The following RFLNA variants were observed in gnomAD, a reference collection of about 807,000 sequenced individuals.
RFLNA encodes refilin-A.
A neutral mutation model predicts 7.8 loss-of-function variants in RFLNA; 5 were observed. The ratio of observed to expected loss-of-function variants is 0.64; its 90% CI spans 0.34 to 1.35. RFLNA has a LOEUF of 1.35. Ranked by LOEUF, RFLNA falls within the 40% of genes most tolerant of loss-of-function variation. RFLNA has a pLI of 0.04. For missense variants in RFLNA, 278 were observed against 305.5 expected, an observed-to-expected ratio of 0.91 and a Z score of 0.67; for synonymous variants, 141 against 131.3, an observed-to-expected ratio of 1.07 and a Z score of -0.50.
At chr12:124,297,114 C>T (rs1020818683) in intron 1 of RFLNA, among the ~76,000 whole-genome samples, 1 of 152,146 alleles carries the variant, frequency 6.6e-6, no homozygotes, top group Non-Finnish European at 1.5e-5. Flanking sequence ...CCCCGTGGTG[C>T]CTTGCACAGT....
chr12:124,302,804 C>CCGAGG lies in RFLNA; in HGVS notation c.207+7168_207+7169insCGAGG, dbSNP rs1340681084. Among the ~76,000 whole-genome samples, 50 of 142,078 alleles carry CCGAGG rather than the reference C, an allele frequency of 3.5e-4. 7 individuals are homozygous for CCGAGG. The highest frequency in any genetic ancestry group is 1.2e-3 in the South Asian group (5 of 4,280). 93.2% of individuals were successfully genotyped at this position (142,078 alleles called of 152,430 possible). ...GAGGTCAGGGGGCCGAGGTCAGGGG[C>CCGAGG]TGAGGTCAGGGGCCGAGGTCAGGGG... On this transcript the variant is annotated intron_variant, in intron 1 of 2. Transcript: ENST00000546355.
intron 2 of RFLNA, 139 bp from the exon 3 acceptor site, chr12:124,314,053 G>C: frequency 8.7e-7 from 1 of 1,145,368 alleles, no homozygotes; most frequent in Non-Finnish European, 1.2e-6. Context: ...TGACCTTCTT[G>C]ACCTTGACAT....
chr12:124,314,757 T>C lies in RFLNA; in HGVS notation c.*232T>C, dbSNP rs916107369. Reference sequence around the variant, plus strand: ...GACTCAGTAAAAGCATCTATTTTTTTAGCACTTAAGCTGGCAAGGCGGTAG... The same window carrying C: ...GACTCAGTAAAAGCATCTATTTTTTCAGCACTTAAGCTGGCAAGGCGGTAG... On this transcript the variant is annotated 3_prime_UTR_variant, in exon 3 of 3. Transcript: ENST00000546355. 8.9e-6 allele frequency: 7 copies of C among 783,586 alleles called. No individual in the cohort carries two copies. Among genetic ancestry groups the C allele is most frequent in the Non-Finnish European group, 1.3e-5 (6 of 461,828 alleles). The allele number at this position is 783,586 out of a possible 1,614,324, so 48.5% of individuals were successfully genotyped here.
chr12:124,289,389 C>T lies in RFLNA; in HGVS notation c.-37+19C>T, dbSNP rs1159340660. ...CTGTGAGGTGAGTCCAGCAGCCCCA[C>T]TGTGGAGTGGGAACGGGAGGGGCTG... On this transcript the variant is annotated intron_variant, in intron 1 of 2. Transcript: ENST00000324038. This position sits in a 1 kb window ranked among gnomAD's most constrained non-coding sequence, Gnocchi z 5.0. 1 of 152,180 alleles carries T rather than the reference C, an allele frequency of 6.6e-6. No individual in the cohort carries two copies. The highest frequency in any genetic ancestry group is 1.5e-5 in the Non-Finnish European group (1 of 68,044). 9.4% of individuals were successfully genotyped at this position (152,180 alleles called of 1,614,324 possible).
At chr12:124,314,066 C>A in intron 2 of RFLNA, 126 bp from the exon 3 acceptor site, 1 of 1,254,242 alleles carries the variant, frequency 8.0e-7, no homozygotes, top group Non-Finnish European at 1.1e-6. Flanking sequence ...CTTGACATTT[C>A]AGAGCAGCCC....
Position 124,314,253 on chromosome 12 carries a change from C to A in RFLNA, c.379C>A (p.Pro127Thr). The A allele has an allele frequency of 6.2e-7, 1 of 1,613,674 alleles. No homozygotes were observed. The highest frequency in any genetic ancestry group is 8.5e-7 in the Non-Finnish European group (1 of 1,180,028). The change falls in exon 3 of 3, where the codon CCC becomes ACC. Residue 127 changes from proline (P) to threonine (T), a missense_variant. Coordinates refer to ENST00000546355, the MANE Select transcript of RFLNA (RefSeq NM_001365156.1). The part of the protein sequence containing the change: ...KHFQDKVFYA[P>T]VPTVTAYSET... ...TTTCCAGGACAAGGTCTTCTATGCG[C>A]CCGTACCCACCGTCACGGCCTACAG...
chr12:124,309,886 G>A (rs932700604), intron 1 of RFLNA, among the ~76,000 whole-genome samples: 1 of 152,166 alleles, frequency 6.6e-6, no homozygotes, highest in Non-Finnish European at 1.5e-5. Context: ...AAGGCTTTAG[G>A]GGCCAGGCGT....
chr12:124,308,107 T>C (rs1332082606), intron 1 of RFLNA, among the ~76,000 whole-genome samples: 1 of 151,862 alleles, frequency 6.6e-6, no homozygotes, highest in Non-Finnish European at 1.5e-5. Flanking sequence ...TCAGCGTCCC[T>C]AGTAGCTGGG....
rs1336808244 is a variant in RFLNA, at chr12:124,315,428, A to T, written c.*903A>T. The T allele has an allele frequency of 2.0e-5, 3 of 152,312 alleles. No homozygotes were observed. The highest frequency in any genetic ancestry group is 7.2e-5 in the African/African-American group (3 of 41,434). The allele number at this position is 152,312 out of a possible 1,614,324, so 9.4% of individuals were successfully genotyped here. A position where few individuals can be genotyped will look rare whatever the true frequency, so the allele number is the denominator to read the frequency against. On this transcript the variant is annotated 3_prime_UTR_variant, in exon 3 of 3. Transcript: ENST00000546355. Reference sequence around the variant, plus strand: ...CTGTGTGAGGCCGGGTCTGAACTCGAGGGAGTCGGAGCTCAGCTGTCGGTT... The same window carrying T: ...CTGTGTGAGGCCGGGTCTGAACTCGTGGGAGTCGGAGCTCAGCTGTCGGTT...
chr12:124,314,138 A>T, intron 2 of RFLNA, 54 bp from the exon 3 acceptor site: 1 of 1,561,704 alleles, frequency 6.4e-7, no homozygotes, highest in Non-Finnish European at 8.7e-7. Flanking sequence ...GAGGGCAGGG[A>T]ATCGGGCTGC....
Position 124,315,618 on chromosome 12 carries a change from G to C in RFLNA, c.*1093G>C, listed in dbSNP as rs59685758. 27,545 of 152,268 alleles carry C rather than the reference G, an allele frequency of 0.18. 3,456 individuals carry two copies. Among genetic ancestry groups the C allele is most frequent in the African/African-American group, 0.35 (14,734 of 41,508 alleles). 9.4% of individuals were successfully genotyped at this position (152,268 alleles called of 1,614,324 possible). On this transcript the variant is annotated 3_prime_UTR_variant, in exon 3 of 3. Transcript: ENST00000546355. ...AGACAAAGACTTGGCTCAGGGCTCC[G>C]TGGAACAAGCCAGGATGCACGGGGA... is the stretch of plus-strand genomic sequence containing the variant.
At position 124,305,881 on chromosome 12, in the gene RFLNA, C is replaced by T. The variant is rs76895471; in HGVS notation, c.208-5937C>T. On this transcript the variant is annotated intron_variant, in intron 1 of 2. Coordinates refer to ENST00000546355, the MANE Select transcript of RFLNA (RefSeq NM_001365156.1). ...GGGAGCAGCTGCCTCTCTTTTGGGC[C>T]ACTCACTCCGTGTCAATGCCAGGGA... is the stretch of plus-strand genomic sequence containing the variant. Among the ~76,000 whole-genome samples, 1,306 of 152,284 alleles carry T rather than the reference C, an allele frequency of 8.6e-3. 14 individuals carry two copies. Among genetic ancestry groups the T allele is most frequent in the African/African-American group, 0.028 (1,157 of 41,552 alleles).
intron 1 of RFLNA, among the ~76,000 whole-genome samples, chr12:124,302,733 G>A (rs1046028934): frequency 6.6e-6 from 1 of 151,770 alleles, no homozygotes; most frequent in African/African-American, 2.4e-5. Context: ...AGACGATCAA[G>A]TTCTGACAGC....
rs547672986 is a variant in RFLNA at position 124,302,392 on chromosome 12, G to A, written c.207+6756G>A. On this transcript the variant is annotated intron_variant, in intron 1 of 2. Transcript: ENST00000546355. ...GCCTTGGGTGTCAGATCCTGGGCTC[G>A]TGGGTTCCTTGCTGGGCCCTTGATA... 5.3e-5 allele frequency among the ~76,000 whole-genome samples: 8 copies of A among 152,240 alleles called. 1 individual carries two copies. The East Asian group carries it at 9.7e-4, about 18-fold the overall frequency.
Position 124,307,983 on chromosome 12 carries a change from CT to C in RFLNA, c.208-3819del, listed in dbSNP as rs35040581. 7.8e-3 allele frequency among the ~76,000 whole-genome samples: 1,080 copies of C among 138,306 alleles called. 21 individuals carry two copies. The East Asian group carries it at 0.082, about 10-fold the overall frequency. 90.7% of individuals were successfully genotyped at this position (138,306 alleles called of 152,430 possible). On this transcript the variant is annotated intron_variant, in intron 1 of 2. Coordinates refer to ENST00000546355, the MANE Select transcript of RFLNA (RefSeq NM_001365156.1). ...TCGTCCCTGTGCGTCTGTGTCCGCT[CT>C]TTTTTTTTTTTTTTTGAGACAGAGT...
At chr12:124,309,487 C>A (rs560461080) in intron 1 of RFLNA, among the ~76,000 whole-genome samples, 18 of 152,244 alleles carry the variant, frequency 1.2e-4, no homozygotes, top group Non-Finnish European at 2.4e-4. Context: ...AGGCGTTCTG[C>A]TGTGGCCGCG....
At chr12:124,312,202 C>T (rs1195944546) in intron 2 of RFLNA, among the ~76,000 whole-genome samples, 5 of 152,212 alleles carry the variant, frequency 3.3e-5, no homozygotes, top group African/African-American at 1.2e-4. Flanking sequence ...CCCATTTCCC[C>T]ATTTACCTTC....
chr12:124,296,997 G>C (rs2033940756), intron 1 of RFLNA, among the ~76,000 whole-genome samples: 1 of 152,216 alleles, frequency 6.6e-6, no homozygotes, highest in African/African-American at 2.4e-5. Context: ...GACCAGGGCT[G>C]TTTGAAGTGA....
chr12:124,296,349 G>T (rs1275745927), intron 1 of RFLNA, among the ~76,000 whole-genome samples: 1 of 150,768 alleles, frequency 6.6e-6, no homozygotes, highest in African/African-American at 2.4e-5. Context: ...TCCAGCCTGG[G>T]GGTGGACTCC....
Sources: allele counts gnomAD v4.1 joint callset (sites outside exome capture counted in the v4.1 genomes callset), GRCh38; gene constraint gnomAD v4.1.1; non-coding constraint Gnocchi (gnomAD v3.1); transcripts MANE v1.5; gene names NCBI Gene and HGNC (gene_info 2026-07-23, HGNC 2026-07-21).